ERBB4: variants seen among roughly 807,000 people sequenced by gnomAD.
ERBB4 encodes the protein erb-b2 receptor tyrosine kinase 4, also known as receptor tyrosine-protein kinase erbB-4.
Under a neutral mutation model 158.0 loss-of-function variants are expected in ERBB4, and 42 were observed. That is an observed-to-expected ratio of 0.27 (90% confidence interval 0.21 to 0.34). The LOEUF is 0.34. Ranked by LOEUF, ERBB4 falls within the 10% of genes least tolerant of loss-of-function variation. ERBB4 has a pLI of 1.00. For missense variants in ERBB4, 1,333 were observed against 1,624.1 expected (o/e 0.82, Z 3.08); for synonymous variants, 583 against 558.7 (o/e 1.04, Z -0.61).
chr2:211,970,315 A>G (rs1467883075), intron 2 of ERBB4, among the ~76,000 whole-genome samples: 2 of 152,154 alleles, frequency 1.3e-5, no homozygotes, highest in African/African-American at 2.4e-5. Flanking sequence ...TGTGTAATCA[A>G]TTTTAGAGTA....
chr2:211,790,420 G>T (rs192514370), intron 3 of ERBB4, among the ~76,000 whole-genome samples: 2 of 152,002 alleles, frequency 1.3e-5, no homozygotes, highest in South Asian at 4.1e-4. Context: ...AAGGAACACA[G>T]TATCCATCTC....
At chr2:211,781,044 T>A (rs990802398) in intron 4 of ERBB4, among the ~76,000 whole-genome samples, 1 of 152,196 alleles carries the variant, frequency 6.6e-6, no homozygotes, top group Non-Finnish European at 1.5e-5. Flanking sequence ...TAAATTTTCT[T>A]GCTACTTTTT....
intron 1 of ERBB4, among the ~76,000 whole-genome samples, chr2:212,408,155 C>T (rs2106480198): frequency 6.6e-6 from 1 of 151,772 alleles, no homozygotes; most frequent in South Asian, 2.1e-4. Flanking sequence ...TAAATGTGTG[C>T]CATGGTGGTT....
intron 14 of ERBB4, among the ~76,000 whole-genome samples, chr2:211,669,574 T>G (rs1256182573): frequency 6.6e-6 from 1 of 152,082 alleles, no homozygotes; most frequent in African/African-American, 2.4e-5. Context: ...TGAATAAAAT[T>G]ATAAAAAATT....
In ERBB4 at chr2:211,421,957, G is replaced by C. The variant is rs75422315; in HGVS notation, c.2964+50C>G. 8,252 of 1,110,074 alleles carry C rather than the reference G, an allele frequency of 7.4e-3. 423 individuals are homozygous for C. In the African/African-American group the frequency reaches 0.1, roughly 14 times the overall value. The allele number at this position is 1,110,074 out of a possible 1,614,324, so 68.8% of individuals were successfully genotyped here. ...AAGTCCTGATACTACTCATTTTGCA[G>C]TGAGTTTGCCATTGGCCTAGTCTTA... On this transcript the variant is annotated intron_variant, in intron 24 of 27. Coordinates refer to ENST00000342788, the MANE Select transcript of ERBB4 (RefSeq NM_005235.3).
intron 1 of ERBB4, among the ~76,000 whole-genome samples, chr2:212,234,625 A>G (rs1020290364): frequency 2.0e-5 from 3 of 152,174 alleles, no homozygotes; most frequent in African/African-American, 4.8e-5. Flanking sequence ...GTATTTGTCC[A>G]CATCCTCTCC....
At chr2:212,413,598 C>T (rs1360864534) in intron 1 of ERBB4, among the ~76,000 whole-genome samples, 3 of 151,878 alleles carry the variant, frequency 2.0e-5, no homozygotes, top group African/African-American at 7.3e-5. Context: ...TAATAGAAAA[C>T]ATCTCAGTAA....
chr2:211,825,664 G>T (rs1168793829), intron 3 of ERBB4, among the ~76,000 whole-genome samples: 1 of 151,064 alleles, frequency 6.6e-6, no homozygotes, highest in East Asian at 1.9e-4. Flanking sequence ...ATAATCTGGT[G>T]GGTAAGGTAG....
chr2:211,689,553 G>T lies in ERBB4; in HGVS notation c.1490-10369C>A, dbSNP rs141233775. Among the ~76,000 whole-genome samples the T allele has an allele frequency of 1.9e-3, 285 of 152,202 alleles. 1 individual carries two copies. The highest frequency in any genetic ancestry group is 6.4e-3 in the African/African-American group (267 of 41,532). ...CACCAGTTCCCAAAAAGTAGAATAT[G>T]AATGACTTCGCACTAATTTATAAAG... On this transcript the variant is annotated intron_variant, in intron 12 of 27. Coordinates refer to ENST00000342788, the MANE Select transcript of ERBB4 (RefSeq NM_005235.3).
rs138121259 is a variant in ERBB4 at position 212,267,830 on chromosome 2, T to G, written c.83-142927A>C. Among the ~76,000 whole-genome samples, 773 of 145,372 alleles carry G rather than the reference T, an allele frequency of 5.3e-3. 4 individuals carry two copies. The highest frequency in any genetic ancestry group is 0.017 in the Middle Eastern group (5 of 286). On this transcript the variant is annotated intron_variant, in intron 1 of 27. Transcript: ENST00000342788. ...TCTTTATCATGGCCAGACTTCAAAA[T>G]TTCTATACCTGGCACTATTAGATCT...
intron 3 of ERBB4, among the ~76,000 whole-genome samples, chr2:211,856,368 A>ATTTATTTG (rs1266699807): frequency 3.2e-5 from 3 of 93,620 alleles, no homozygotes; most frequent in Non-Finnish European, 2.2e-5. Flanking sequence ...TGTAATTTCT[A>ATTTATTTG]TTTATTTATT....
chr2:211,561,768 T>A (rs979255337), intron 20 of ERBB4, 135 bp downstream of exon 20: 3 of 781,582 alleles, frequency 3.8e-6, no homozygotes, highest in Admixed American at 3.9e-5. Context: ...CTCTCTGTTA[T>A]GTATCTTTCA....
chr2:211,920,164 T>A (rs967418861), intron 3 of ERBB4, among the ~76,000 whole-genome samples: 1 of 151,988 alleles, frequency 6.6e-6, no homozygotes. Context: ...TAGGGTCACC[T>A]TACAGGCAAG....
chr2:211,717,183 G>T (rs571720252), intron 7 of ERBB4, among the ~76,000 whole-genome samples: 1 of 152,308 alleles, frequency 6.6e-6, no homozygotes, highest in South Asian at 2.1e-4. Flanking sequence ...GAAGGTAGTA[G>T]ATTAGGTAGT....
At chr2:211,709,321 G>A (rs1032936350) in intron 9 of ERBB4, among the ~76,000 whole-genome samples, 1 of 137,098 alleles carries the variant, frequency 7.3e-6, no homozygotes, top group Non-Finnish European at 1.5e-5. Context: ...GAGAGAGAGA[G>A]AGTAATTTTA....
intron 6 of ERBB4, among the ~76,000 whole-genome samples, chr2:211,724,322 G>A (rs1271308957): frequency 6.7e-6 from 1 of 150,114 alleles, no homozygotes; most frequent in Non-Finnish European, 1.5e-5. Context: ...TATATGGTTT[G>A]CTCATTGCTG....
rs375690226 is a variant in ERBB4, at chr2:212,306,983, A to G, written c.83-182080T>C. On this transcript the variant is annotated intron_variant, in intron 1 of 27. Transcript: ENST00000342788. ...TCCCATAACACATTATTCCTGAAAT[A>G]CTTCCAAAAACCATTTGAGAGAGTT... 2.6e-5 allele frequency among the ~76,000 whole-genome samples: 4 copies of G among 151,484 alleles called. No individual in the cohort carries two copies. In the East Asian group the frequency reaches 7.8e-4, roughly 30 times the overall value.
chr2:212,204,111 T>C (rs926152182), intron 1 of ERBB4, among the ~76,000 whole-genome samples: 1 of 152,214 alleles, frequency 6.6e-6, no homozygotes, highest in Non-Finnish European at 1.5e-5. Flanking sequence ...ATTACTCAGA[T>C]CTATTTTTTC....
rs1315458274 is a variant in ERBB4, at chr2:211,665,385, G to T, written c.1809C>A (p.Phe603Leu). 3 of 1,613,974 alleles carry T rather than the reference G, an allele frequency of 1.9e-6. No individual in the cohort carries two copies. Among genetic ancestry groups the T allele is most frequent in the Non-Finnish European group, 2.5e-6 (3 of 1,180,014 alleles). ...CPDGLQGANS[F>L]IFKYADPDRE... ...GATCTGGATCAGCATACTTGAAAATGAAACTGTTTGCCCCCTGTAAGCCAT... is the reference window on the plus strand; with the variant it reads ...GATCTGGATCAGCATACTTGAAAATTAAACTGTTTGCCCCCTGTAAGCCAT... The change falls in exon 15 of 28, where the codon TTC (phenylalanine) becomes TTA (leucine). Residue 603 changes from phenylalanine to leucine, a missense_variant. By Grantham distance (22) the Phe-to-Leu change is conservative. This residue lies in a region of ERBB4 where 245 missense variants were observed against 247.5 expected (regional missense o/e 0.99). Transcript: ENST00000342788.
Sources: allele counts gnomAD v4.1 joint callset (sites outside exome capture counted in the v4.1 genomes callset), GRCh38; gene constraint gnomAD v4.1.1; regional missense constraint gnomAD v4.1.1; transcripts MANE v1.5; gene names NCBI Gene and HGNC (gene_info 2026-07-23, HGNC 2026-07-21).